Variants in ENOX1 observed in about 807,000 individuals in gnomAD.
ENOX1 encodes the protein ecto-NOX disulfide-thiol exchanger 1, also known as candidate growth-related and time keeping constitutive hydroquinone (NADH) oxidase.
In ENOX1, 42 loss-of-function variants were observed where a neutral mutation model predicts 82.5. The observed-to-expected ratio is 0.51, with a 90% CI of 0.40 to 0.66. The LOEUF is 0.66. Among genes scored for constraint, ENOX1 ranks in the 30% least tolerant of loss-of-function variants. The probability of loss-of-function intolerance (pLI) is 0.00; values close to 1 mark genes in which losing one functional copy is unlikely to be tolerated. For missense variants in ENOX1, 608 were observed against 811.6 expected (o/e 0.75, Z 3.05); for synonymous variants, 271 against 282.2 (o/e 0.96, Z 0.40).
At chr13:43,628,953 G>A (rs966487178) in intron 2 of ENOX1, among the ~76,000 whole-genome samples, 1 of 152,166 alleles carries the variant, frequency 6.6e-6, no homozygotes, top group African/African-American at 2.4e-5. Flanking sequence ...AATGGTAAAA[G>A]TCCCAAGTCT....
At chr13:43,331,358 G>A (rs946398647) in intron 9 of ENOX1, among the ~76,000 whole-genome samples, 1 of 152,140 alleles carries the variant, frequency 6.6e-6, no homozygotes, top group Admixed American at 6.5e-5. Context: ...CCAAATATCT[G>A]GAGAAACTGA....
At chr13:43,590,618 C>CAA (rs112112906) in intron 2 of ENOX1, among the ~76,000 whole-genome samples, 5,486 of 151,058 alleles carry the variant, frequency 0.036, 347 homozygotes, top group African/African-American at 0.13. Flanking sequence ...ACTAAAAAAA[C>CAA]AAAAAAAATT....
At chr13:43,482,137 T>G (rs2058529789) in intron 3 of ENOX1, among the ~76,000 whole-genome samples, 1 of 152,198 alleles carries the variant, frequency 6.6e-6, no homozygotes. Context: ...ATTTCACTTC[T>G]GGGTACATAT....
In ENOX1 at chr13:43,344,759, G is replaced by C. The variant is rs1338213084; in HGVS notation, c.824-9C>G. 4 of 1,612,224 alleles carry C rather than the reference G, an allele frequency of 2.5e-6. No individual in the cohort carries two copies. In the South Asian group the frequency reaches 4.4e-5, roughly 18 times the overall value. On this transcript the variant is annotated splice_polypyrimidine_tract_variant and intron_variant, in intron 8 of 16. Coordinates refer to ENST00000690772, the MANE Select transcript of ENOX1 (RefSeq NM_001347969.2). Reference sequence around the variant, plus strand: ...TGAAAACTTGCTATCATCTGGAAATGGAAAACCACCAAGTACAAATCATGC... The same window carrying C: ...TGAAAACTTGCTATCATCTGGAAATCGAAAACCACCAAGTACAAATCATGC...
chr13:43,356,193 A>G (rs1351608601), intron 7 of ENOX1, 41 bp from the exon 8 acceptor site: 5 of 1,590,642 alleles, frequency 3.1e-6, no homozygotes, highest in Admixed American at 1.7e-5. Context: ...TAATGTAACA[A>G]TGGCCACAGT....
intron 1 of ENOX1, among the ~76,000 whole-genome samples, chr13:43,696,453 G>A (rs2086644097): frequency 1.3e-5 from 2 of 152,100 alleles, no homozygotes; most frequent in Non-Finnish European, 2.9e-5. Flanking sequence ...CTGGTTTTTG[G>A]GGGCTCAGCT....
chr13:43,686,977 TTCC>T (rs1444387820), intron 1 of ENOX1, among the ~76,000 whole-genome samples: 2 of 136,634 alleles, frequency 1.5e-5, no homozygotes, highest in Admixed American at 1.4e-4. Context: ...CTTTACTCAC[TTCC>T]TCCGCTCCTC....
intron 6 of ENOX1, 52 bp from the exon 7 acceptor site, chr13:43,360,109 C>A: frequency 6.5e-7 from 1 of 1,533,804 alleles, no homozygotes; most frequent in South Asian, 1.1e-5. Context: ...TTTGCTTTCT[C>A]TGGTTCTCCT....
rs1249590000 is a variant in ENOX1, at chr13:43,606,872, G to T, written c.-219+60607C>A. Among the ~76,000 whole-genome samples the T allele has an allele frequency of 2.0e-5, 3 of 152,198 alleles. No homozygotes were observed. In the East Asian group the frequency reaches 5.8e-4, roughly 29 times the overall value. Reference sequence around the variant, plus strand: ...TCTACTAAAAAAAATAGAAAAATTAGCCGGGTATGGTGGCATGTGCCTGTA... The same window carrying T: ...TCTACTAAAAAAAATAGAAAAATTATCCGGGTATGGTGGCATGTGCCTGTA... On this transcript the variant is annotated intron_variant, in intron 2 of 16. Coordinates refer to ENST00000690772, the MANE Select transcript of ENOX1 (RefSeq NM_001347969.2).
chr13:43,557,457 G>T (rs929011087), intron 2 of ENOX1, among the ~76,000 whole-genome samples: 2 of 152,166 alleles, frequency 1.3e-5, no homozygotes, highest in African/African-American at 2.4e-5. Flanking sequence ...GAGTGCCTAA[G>T]GGAGGAGCTC....
chr13:43,715,860 C>T (rs2088086758), intron 1 of ENOX1, among the ~76,000 whole-genome samples: 1 of 151,562 alleles, frequency 6.6e-6, no homozygotes, highest in Non-Finnish European at 1.5e-5. Context: ...TTCTAGGTAA[C>T]CATTCGCATT....
At chr13:43,256,910 A>G (rs1325989609) in intron 14 of ENOX1, among the ~76,000 whole-genome samples, 2 of 152,252 alleles carry the variant, frequency 1.3e-5, no homozygotes. Context: ...CCTAGTGTCC[A>G]TCGTCAGATG....
chr13:43,651,086 G>C (rs1209660575), intron 2 of ENOX1, among the ~76,000 whole-genome samples: 1 of 152,166 alleles, frequency 6.6e-6, no homozygotes. Context: ...ATGACAGTTA[G>C]AAGGCTGCTC....
chr13:43,444,413 G>C (rs1213809835), intron 3 of ENOX1, among the ~76,000 whole-genome samples: 3 of 152,176 alleles, frequency 2.0e-5, no homozygotes, highest in Non-Finnish European at 4.4e-5. Flanking sequence ...AGACGGCAAA[G>C]GAAGAGTAGA....
chr13:43,682,814 G>T (rs1410674648), intron 1 of ENOX1, among the ~76,000 whole-genome samples: 2 of 152,234 alleles, frequency 1.3e-5, no homozygotes, highest in African/African-American at 4.8e-5. Context: ...GATCCTGGGG[G>T]AGCCAATTAG....
chr13:43,613,808 G>A (rs974110735), intron 2 of ENOX1, among the ~76,000 whole-genome samples: 39 of 152,120 alleles, frequency 2.6e-4, no homozygotes, highest in African/African-American at 9.2e-4. Flanking sequence ...GTAGGTGCCT[G>A]TAGTCCCAGC....
intron 11 of ENOX1, among the ~76,000 whole-genome samples, chr13:43,313,397 C>T (rs1030034520): frequency 6.6e-6 from 1 of 152,186 alleles, no homozygotes. Flanking sequence ...ATTCAATAAA[C>T]TATCATTATC....
At chr13:43,710,326 A>G (rs2087605000) in intron 1 of ENOX1, among the ~76,000 whole-genome samples, 1 of 152,296 alleles carries the variant, frequency 6.6e-6, no homozygotes, top group East Asian at 1.9e-4. Context: ...TATGAAAGTA[A>G]TCCATCACAT....
chr13:43,268,698 T>A (rs1034524503), intron 13 of ENOX1, among the ~76,000 whole-genome samples: 2 of 152,152 alleles, frequency 1.3e-5, no homozygotes, highest in African/African-American at 4.8e-5. Context: ...GTATGAAAAA[T>A]TTAAAACAAT....
Sources: gnomAD v4.1 joint callset for allele counts (sites outside exome capture counted in the v4.1 genomes callset) on GRCh38, gnomAD v4.1.1 for gene constraint, MANE v1.5 for transcripts, NCBI Gene and HGNC (gene_info 2026-07-23, HGNC 2026-07-21) for gene names.